The following MAF variants were observed in gnomAD, a reference collection of about 807,000 sequenced individuals.
The protein encoded by MAF is transcription factor Maf.
Under a neutral mutation model 22.0 loss-of-function variants are expected in MAF, and 10 were observed. That is an observed-to-expected ratio of 0.45 (90% confidence interval 0.28 to 0.77). The LOEUF is 0.77. Among genes scored for constraint, MAF ranks in the 30% least tolerant of loss-of-function variants. The pLI is 0.12. For missense variants in MAF, 544 were observed against 548.4 expected, an observed-to-expected ratio of 0.99 and a Z score of 0.08; for synonymous variants, 337 against 255.8, an observed-to-expected ratio of 1.32 and a Z score of -3.03.
chr16:79,424,438 G>A, the MAF span, among the ~76,000 whole-genome samples: 1 of 152,166 alleles, frequency 6.6e-6, no homozygotes, highest in African/African-American at 2.4e-5. Context: ...GCTTCTGCGG[G>A]CCTGGGCACT....
the MAF span, among the ~76,000 whole-genome samples, chr16:79,288,365 G>A: frequency 3.3e-5 from 5 of 152,070 alleles, no homozygotes; most frequent in Non-Finnish European, 7.4e-5. Context: ...ATCCTAAGCC[G>A]GTTACATAAG....
the MAF span, among the ~76,000 whole-genome samples, chr16:79,235,376 G>C: frequency 7.9e-5 from 12 of 151,956 alleles, 1 homozygote; most frequent in African/African-American, 2.9e-4. Context: ...AACATATCAA[G>C]ATACCATCCC....
chr16:79,543,615 G>A, the MAF span, among the ~76,000 whole-genome samples: 1 of 151,968 alleles, frequency 6.6e-6, no homozygotes, highest in African/African-American at 2.4e-5. Flanking sequence ...GCTCCTCAAC[G>A]GTGGCCAAGG....
the MAF span, among the ~76,000 whole-genome samples, chr16:79,259,164 G>T: frequency 6.6e-6 from 1 of 152,136 alleles, no homozygotes; most frequent in African/African-American, 2.4e-5. Context: ...TCCTCACCAG[G>T]CCGGCTGGCT....
chr16:79,549,979 T>C, the MAF span, among the ~76,000 whole-genome samples: 1 of 152,212 alleles, frequency 6.6e-6, no homozygotes, highest in Non-Finnish European at 1.5e-5. Context: ...ACAATCTATC[T>C]AGCCTTGGTG....
the MAF span, among the ~76,000 whole-genome samples, chr16:79,314,935 G>T: frequency 6.6e-6 from 1 of 152,180 alleles, no homozygotes. Flanking sequence ...ACCTCGAAAT[G>T]GCAAGGAGGA....
chr16:79,291,033 G>C, the MAF span, among the ~76,000 whole-genome samples: 28,838 of 152,032 alleles, frequency 0.19, 3,248 homozygotes, highest in East Asian at 0.55. Context: ...GAATGCTCGA[G>C]TGTAGTCAGG....
chr16:79,464,601 T>G, the MAF span, among the ~76,000 whole-genome samples: 1 of 152,234 alleles, frequency 6.6e-6, no homozygotes, highest in Non-Finnish European at 1.5e-5. Flanking sequence ...AGCCCAAGGC[T>G]GCCATTTTGG....
chr16:79,437,136 CTCTCTCTCTCTG>C, the MAF span, among the ~76,000 whole-genome samples: 30 of 142,704 alleles, frequency 2.1e-4, no homozygotes, highest in African/African-American at 7.4e-4. Flanking sequence ...GGAGAAAGCT[CTCTCTCTCTCTG>C]TGTGTGTGTG....
At chr16:79,434,654 G>C in the MAF span, among the ~76,000 whole-genome samples, 2 of 151,578 alleles carry the variant, frequency 1.3e-5, no homozygotes, top group African/African-American at 4.8e-5. Context: ...TATAATTAAA[G>C]TAGATGAGAT....
the MAF span, among the ~76,000 whole-genome samples, chr16:79,309,641 A>T: frequency 6.6e-6 from 1 of 152,200 alleles, no homozygotes; most frequent in African/African-American, 2.4e-5. Flanking sequence ...ATAGTGCAAC[A>T]ATCTCTGAGT....
the MAF span, among the ~76,000 whole-genome samples, chr16:79,338,239 T>G: frequency 1.3e-5 from 2 of 152,186 alleles, no homozygotes; most frequent in African/African-American, 4.8e-5. Context: ...ATTGCAGGTC[T>G]TCCAAGAAAT....
At chr16:79,572,901 G>C in the MAF span, among the ~76,000 whole-genome samples, 2 of 152,184 alleles carry the variant, frequency 1.3e-5, no homozygotes, top group African/African-American at 4.8e-5. Flanking sequence ...TGTGCTATAA[G>C]ATGCTATAAA....
the MAF span, among the ~76,000 whole-genome samples, chr16:79,554,415 A>C: frequency 2.6e-5 from 4 of 152,206 alleles, no homozygotes; most frequent in Non-Finnish European, 5.9e-5. Context: ...TACATCAGAG[A>C]TGCTGAGACA....
the MAF span, among the ~76,000 whole-genome samples, chr16:79,423,367 G>A: frequency 6.6e-6 from 1 of 152,140 alleles, no homozygotes; most frequent in Non-Finnish European, 1.5e-5. Context: ...TCCAAGATGT[G>A]GAAGATGTGA....
chr16:79,319,436 C>T, the MAF span, among the ~76,000 whole-genome samples: 21,272 of 152,110 alleles, frequency 0.14, 2,064 homozygotes, highest in East Asian at 0.27. Context: ...GTTGATAAAC[C>T]GGATATTAGC....
the MAF span, among the ~76,000 whole-genome samples, chr16:79,579,437 C>T: frequency 6.6e-6 from 1 of 152,116 alleles, no homozygotes; most frequent in African/African-American, 2.4e-5. Flanking sequence ...AGCCTCATTA[C>T]TATATTTTTT....
At chr16:79,323,027 G>A in the MAF span, among the ~76,000 whole-genome samples, 1 of 151,552 alleles carries the variant, frequency 6.6e-6, no homozygotes, top group Non-Finnish European at 1.5e-5. Flanking sequence ...GCAAGCGCCT[G>A]TAGTCCCAGT....
At chr16:79,277,208 G>GCA in the MAF span, among the ~76,000 whole-genome samples, 7 of 152,000 alleles carry the variant, frequency 4.6e-5, no homozygotes, top group African/African-American at 7.3e-5. Flanking sequence ...TAGGACACGT[G>GCA]CAGTTCGGTG....
Sources: gnomAD v4.1 joint callset for allele counts (sites outside exome capture counted in the v4.1 genomes callset) on GRCh38, gnomAD v4.1.1 for gene constraint, MANE v1.5 for transcripts, NCBI Gene and HGNC (gene_info 2026-07-23, HGNC 2026-07-21) for gene names.